LPCAT2: variants seen among roughly 807,000 people sequenced by gnomAD.
LPCAT2 encodes lysophosphatidylcholine acyltransferase 2.
LPCAT2 carries 58 observed loss-of-function variants against 64.7 expected under a neutral mutation model. The observed-to-expected ratio is 0.90, with a 90% CI of 0.73 to 1.12. The LOEUF is 1.12. LPCAT2 is among the 50% of genes most tolerant of loss of function. The pLI, the probability that LPCAT2 is intolerant of heterozygous loss-of-function variation, is 0.00. For missense variants in LPCAT2, 579 were observed against 669.8 expected (o/e 0.86, Z 1.50); for synonymous variants, 252 against 245.3 (o/e 1.03, Z -0.26).
intron 9 of LPCAT2, among the ~76,000 whole-genome samples, chr16:55,548,592 A>T (rs1448444169): frequency 2.6e-5 from 4 of 152,076 alleles, no homozygotes; most frequent in Non-Finnish European, 5.9e-5. Flanking sequence ...GTGCAGTCTC[A>T]GCTCACTGCA....
At position 55,574,715 on chromosome 16, in the gene LPCAT2, C is replaced by T. The variant is rs149963829; in HGVS notation, c.1300C>T (p.Gln434Ter). The T allele has an allele frequency of 6.2e-7, 1 of 1,613,200 alleles. No homozygotes were observed. The highest frequency in any genetic ancestry group is 1.3e-5 in the African/African-American group (1 of 74,840). The part of the protein sequence containing the change: ...CNPSNTEEII[Q>*]VAFKLFDVDE... ...CCCTTCCAACACAGAGGAGATCATC[C>T]AGGTGGCATTTAAGGTACTGTCAGC... The change falls in exon 12 of 14, where the codon CAG becomes TAG. Residue 434 changes from glutamine to a stop codon, truncating the protein, a stop_gained. Coordinates refer to ENST00000262134, the MANE Select transcript of LPCAT2 (RefSeq NM_017839.5). LOFTEE classifies it high-confidence loss of function.
chr16:55,535,162 C>T (rs1567396049), intron 7 of LPCAT2, among the ~76,000 whole-genome samples: 1 of 152,152 alleles, frequency 6.6e-6, no homozygotes, highest in East Asian at 1.9e-4. Context: ...GTATGAAATA[C>T]CTGAATTTGA....
chr16:55,566,710 A>G (rs751857905), intron 11 of LPCAT2: 14 of 1,547,822 alleles, frequency 9.0e-6, no homozygotes, highest in South Asian at 2.5e-5. Flanking sequence ...ATCTTTTTTC[A>G]TACCATCTCT....
At position 55,585,520 on chromosome 16, in the gene LPCAT2, A is replaced by C. The variant is rs1463463570; in HGVS notation, c.*2422A>C. The C allele has an allele frequency of 6.6e-6, 1 of 152,188 alleles. No homozygotes were observed. The highest frequency in any genetic ancestry group is 2.4e-5 in the African/African-American group (1 of 41,446). 9.4% of individuals were successfully genotyped at this position (152,188 alleles called of 1,614,324 possible). On this transcript the variant is annotated 3_prime_UTR_variant, in exon 14 of 14. Coordinates refer to ENST00000262134, the MANE Select transcript of LPCAT2 (RefSeq NM_017839.5). ...CTTAAAGTAAGAATTACATTTTATT[A>C]AGTCAGTTAAATGCACCATGGCTTC...
chr16:55,578,701 C>G (rs1210265609), intron 12 of LPCAT2, among the ~76,000 whole-genome samples: 3 of 152,146 alleles, frequency 2.0e-5, no homozygotes, highest in African/African-American at 7.2e-5. Flanking sequence ...ATATACCCAC[C>G]ATGATCTAAT....
chr16:55,586,134 G>C lies in LPCAT2; in HGVS notation c.*3036G>C, dbSNP rs1234405163. ...TGTTATATCAGAGTGACAAATAAGT[G>C]CTATGGCTTGATAGAAGTGAAGCTC... On this transcript the variant is annotated 3_prime_UTR_variant, in exon 14 of 14. Transcript: ENST00000262134. The C allele has an allele frequency of 6.6e-6, 1 of 151,794 alleles. No homozygotes were observed. The highest frequency in any genetic ancestry group is 1.9e-4 in the East Asian group (1 of 5,170). 9.4% of individuals were successfully genotyped at this position (151,794 alleles called of 1,614,324 possible).
rs527597385 is a variant in LPCAT2, at chr16:55,585,976, G to T, written c.*2878G>T. On this transcript the variant is annotated 3_prime_UTR_variant, in exon 14 of 14. Transcript: ENST00000262134. ...GAGTCTCTACTACAAAAGTCTTTGG[G>T]TATTTGTTTCTTACATAGAAAATGC... 1 of 152,242 alleles carries T rather than the reference G, an allele frequency of 6.6e-6. No homozygotes were observed. The highest frequency in any genetic ancestry group is 2.4e-5 in the African/African-American group (1 of 41,546). 9.4% of individuals were successfully genotyped at this position (152,242 alleles called of 1,614,324 possible). A position where few individuals can be genotyped will look rare whatever the true frequency, so the allele number is the denominator to read the frequency against.
rs563127679 is a variant in LPCAT2 at position 55,525,603 on chromosome 16, A to G, written c.267A>G (p.Val89=). 9 of 1,612,278 alleles carry G rather than the reference A, an allele frequency of 5.6e-6. No homozygotes were observed. In the East Asian group the frequency reaches 8.9e-5, roughly 16 times the overall value. The part of the protein sequence containing the change: ...LAWPFAAIST[V]CCPEKLTHPI... ...GGCCATTTGCTGCAATTTCAACAGTATGCTGTCCTGAAAAGCTGACCCACC... is the reference window on the plus strand; with the variant it reads ...GGCCATTTGCTGCAATTTCAACAGTGTGCTGTCCTGAAAAGCTGACCCACC... The change falls in exon 2 of 14, where the codon GTA becomes GTG. Residue 89 remains valine (V), a synonymous_variant. Coordinates refer to ENST00000262134, the MANE Select transcript of LPCAT2 (RefSeq NM_017839.5).
At chr16:55,563,266 G>C (rs1963656896) in intron 11 of LPCAT2, among the ~76,000 whole-genome samples, 1 of 151,890 alleles carries the variant, frequency 6.6e-6, no homozygotes, top group African/African-American at 2.4e-5. Context: ...CCCAGGACCA[G>C]TTGGCTTCAC....
intron 11 of LPCAT2, among the ~76,000 whole-genome samples, chr16:55,554,637 G>A (rs1963554632): frequency 6.6e-6 from 1 of 152,214 alleles, no homozygotes; most frequent in African/African-American, 2.4e-5. Context: ...CACTGGGGTA[G>A]CACTTTTAAT....
intron 3 of LPCAT2, among the ~76,000 whole-genome samples, chr16:55,529,096 C>A (rs1409721312): frequency 2.6e-5 from 4 of 152,156 alleles, no homozygotes; most frequent in African/African-American, 9.7e-5. Context: ...ATAGGTACTT[C>A]CTGCCATGAA....
intron 13 of LPCAT2, among the ~76,000 whole-genome samples, chr16:55,580,709 G>A (rs1032641414): frequency 9.2e-5 from 14 of 152,142 alleles, no homozygotes; most frequent in Non-Finnish European, 1.8e-4. Flanking sequence ...GCCATGGACC[G>A]GTGCCGATCT....
At chr16:55,566,547 T>C (rs1400468902) in intron 11 of LPCAT2, 8 of 539,064 alleles carry the variant, frequency 1.5e-5, no homozygotes, top group Admixed American at 6.8e-5. Flanking sequence ...AACAATTTTA[T>C]TGAGGCCTTG....
intron 11 of LPCAT2, among the ~76,000 whole-genome samples, chr16:55,568,081 G>T (rs1471232064): frequency 6.6e-6 from 1 of 152,044 alleles, no homozygotes; most frequent in African/African-American, 2.4e-5. Context: ...TTATATAAGG[G>T]TAGCATTTTT....
chr16:55,585,523 T>G lies in LPCAT2; in HGVS notation c.*2425T>G, dbSNP rs1416206190. On this transcript the variant is annotated 3_prime_UTR_variant, in exon 14 of 14. Transcript: ENST00000262134. ...AAAGTAAGAATTACATTTTATTAAG[T>G]CAGTTAAATGCACCATGGCTTCATA... 6.6e-6 allele frequency: 1 copy of G among 152,158 alleles called. No homozygotes were observed. The highest frequency in any genetic ancestry group is 1.5e-5 in the Non-Finnish European group (1 of 68,022). The allele number at this position is 152,158 out of a possible 1,614,324, so 9.4% of individuals were successfully genotyped here.
At chr16:55,532,948 C>G in intron 6 of LPCAT2, 66 bp downstream of exon 6, 1 of 1,288,304 alleles carries the variant, frequency 7.8e-7, no homozygotes, top group Non-Finnish European at 1.1e-6. Flanking sequence ...CTCTGGGACC[C>G]CTTTTAATAT....
chr16:55,510,042 A>G (rs1202007608), intron 1 of LPCAT2, among the ~76,000 whole-genome samples: 1 of 126,988 alleles, frequency 7.9e-6, no homozygotes, highest in Non-Finnish European at 1.6e-5. Context: ...TATGGGATGG[A>G]TAAGAGTGAG....
rs779380424 is a variant in LPCAT2 at position 55,550,968 on chromosome 16, C to G, written c.1081C>G (p.Arg361Gly). ...GTTTAGATTAGATTGGGATGGTGTT[C>G]GTAAGCATTTGGATGAATATGCATC... ...RKLKLDWDGVRKHLDEYASIA... is the reference protein window; with the variant it reads ...RKLKLDWDGVGKHLDEYASIA... Residue 361 changes from arginine to glycine, a missense_variant, in exon 11 of 14, where the codon CGT becomes GGT. Transcript: ENST00000262134. 2 of 1,600,996 alleles carry G rather than the reference C, an allele frequency of 1.2e-6. No homozygotes were observed. The highest frequency in any genetic ancestry group is 1.7e-6 in the Non-Finnish European group (2 of 1,171,422).
chr16:55,581,572 T>C (rs539837705), intron 13 of LPCAT2, among the ~76,000 whole-genome samples: 319 of 152,272 alleles, frequency 2.1e-3, no homozygotes, highest in Non-Finnish European at 3.1e-3. Flanking sequence ...AAGACCTATT[T>C]TTATATTCAA....
Sources: allele counts gnomAD v4.1 joint callset (sites outside exome capture counted in the v4.1 genomes callset), GRCh38; gene constraint gnomAD v4.1.1; transcripts MANE v1.5; gene names NCBI Gene and HGNC (gene_info 2026-07-23, HGNC 2026-07-21).